The following CARHSP1 variants were observed in gnomAD, a reference collection of about 807,000 sequenced individuals.
The protein encoded by CARHSP1 is calcium-regulated heat-stable protein 1.
CARHSP1 carries 14 observed loss-of-function variants against 12.5 expected under a neutral mutation model. That is an observed-to-expected ratio of 1.12 (90% confidence interval 0.74 to 1.75). The LOEUF is 1.75. CARHSP1 is among the 40% of genes most tolerant of loss of function. CARHSP1 has a pLI of 0.00. For missense variants in CARHSP1, 343 were observed against 201.6 expected, an observed-to-expected ratio of 1.70 and a Z score of -4.25; for synonymous variants, 161 against 82.0, an observed-to-expected ratio of 1.96 and a Z score of -5.20.
intron 3 of CARHSP1, chr16:8,857,722 C>T (rs140347645): frequency 0.017 from 2,551 of 149,518 alleles, 48 homozygotes; most frequent in South Asian, 0.036. Context: ...TCCGAGGAGC[C>T]GGGATTACAT....
intron 1 of CARHSP1, chr16:8,866,471 G>A: frequency 1.0e-6 from 1 of 985,422 alleles, no homozygotes; most frequent in Middle Eastern, 5.2e-4. Context: ...ACACTGAGCT[G>A]ACCCATCCCA....
intron 1 of CARHSP1, among the ~76,000 whole-genome samples, chr16:8,861,473 C>A (rs1278445173): frequency 1.3e-5 from 2 of 152,104 alleles, no homozygotes; most frequent in East Asian, 3.9e-4. Flanking sequence ...AAAAATCCCA[C>A]CGCACCCCCC....
At position 8,853,615 on chromosome 16, in the gene CARHSP1, C is replaced by T. The variant is rs1240716150; in HGVS notation, c.*1549G>A. 6.6e-6 allele frequency: 1 copy of T among 152,228 alleles called. No individual in the cohort carries two copies. The highest frequency in any genetic ancestry group is 1.5e-5 in the Non-Finnish European group (1 of 68,050). The allele number at this position is 152,228 out of a possible 1,614,324, so 9.4% of individuals were successfully genotyped here. A position where few individuals can be genotyped will look rare whatever the true frequency, so the allele number is the denominator to read the frequency against. On this transcript the variant is annotated 3_prime_UTR_variant, in exon 4 of 4. Coordinates refer to ENST00000311052, the MANE Select transcript of CARHSP1 (RefSeq NM_014316.4). Reference sequence around the variant, plus strand: ...CATCAAACTGGACGTTTACTGTCTGCCCAAAAGCCAGTTTCCAAAAGGTTT... The same window carrying T: ...CATCAAACTGGACGTTTACTGTCTGTCCAAAAGCCAGTTTCCAAAAGGTTT...
rs945267721 is a variant in CARHSP1 at position 8,853,811 on chromosome 16, C to A, written c.*1353G>T. The A allele has an allele frequency of 1.3e-5, 2 of 152,186 alleles. No individual in the cohort carries two copies. Among genetic ancestry groups the A allele is most frequent in the Non-Finnish European group, 2.9e-5 (2 of 68,042 alleles). The allele number at this position is 152,186 out of a possible 1,614,324, so 9.4% of individuals were successfully genotyped here. On this transcript the variant is annotated 3_prime_UTR_variant, in exon 4 of 4. Coordinates refer to ENST00000311052, the MANE Select transcript of CARHSP1 (RefSeq NM_014316.4). ...CCTACAAAAAAGTTTGCAGGCCGGG[C>A]GCGATGGCTCACACTTGTAATCCCA...
Position 8,855,118 on chromosome 16 carries a change from G to C in CARHSP1, c.*46C>G, listed in dbSNP as rs776464949. 2.1e-6 allele frequency: 3 copies of C among 1,408,656 alleles called. No homozygotes were observed. The highest frequency in any genetic ancestry group is 2.8e-6 in the Non-Finnish European group (3 of 1,062,190). 87.3% of individuals were successfully genotyped at this position (1,408,656 alleles called of 1,614,324 possible). A position where few individuals can be genotyped will look rare whatever the true frequency, so the allele number is the denominator to read the frequency against. ...CTCCAGTGTCTGCTGCCTCCTCCCT[G>C]CAAAGTCTCCCACAAGCACAGGACA... On this transcript the variant is annotated 3_prime_UTR_variant, in exon 4 of 4. Coordinates refer to ENST00000311052, the MANE Select transcript of CARHSP1 (RefSeq NM_014316.4).
intron 2 of CARHSP1, 62 bp downstream of exon 2, chr16:8,859,109 A>G: frequency 6.9e-7 from 1 of 1,447,098 alleles, no homozygotes; most frequent in Non-Finnish European, 9.3e-7. Context: ...AGACACAGTG[A>G]ATCTCTGGCC....
intron 1 of CARHSP1, among the ~76,000 whole-genome samples, chr16:8,863,726 C>G (rs1392371585): frequency 6.6e-6 from 1 of 151,032 alleles, no homozygotes; most frequent in African/African-American, 2.4e-5. Flanking sequence ...GGCCTCAGTG[C>G]GGGGGAGGGC....
intron 3 of CARHSP1, among the ~76,000 whole-genome samples, chr16:8,856,829 A>G (rs1332509248): frequency 6.6e-6 from 1 of 152,164 alleles, no homozygotes; most frequent in Non-Finnish European, 1.5e-5. Flanking sequence ...AAGGCTGCCC[A>G]GAGGATCAGA....
rs186120332 is a variant in CARHSP1 at position 8,856,318 on chromosome 16, C to T, written c.282-992G>A. 2.2e-3 allele frequency among the ~76,000 whole-genome samples: 337 copies of T among 152,282 alleles called. 2 individuals are homozygous for T. Among genetic ancestry groups the T allele is most frequent in the African/African-American group, 7.7e-3 (321 of 41,542 alleles). ...GCTAAATGCAAGGGCCAGCCAGCTC[C>T]CCTAGTAACTGGTTTGTTTTGATTG... On this transcript the variant is annotated intron_variant, in intron 3 of 3. Transcript: ENST00000311052.
Position 8,858,334 on chromosome 16 carries a change from C to G in CARHSP1, c.281+16G>C, listed in dbSNP as rs1305518100. 4 of 1,612,006 alleles carry G rather than the reference C, an allele frequency of 2.5e-6. No individual in the cohort carries two copies. The highest frequency in any genetic ancestry group is 3.4e-6 in the Non-Finnish European group (4 of 1,179,636). ...GCCCACCCCAGCCAGGCCACCCAGA[C>G]CTGCCGCTGACTCACTCAGAGATGT... On this transcript the variant is annotated intron_variant, in intron 3 of 3. Transcript: ENST00000311052.
rs917925754 is a variant in CARHSP1 at position 8,855,045 on chromosome 16, G to A, written c.*119C>T. On this transcript the variant is annotated 3_prime_UTR_variant, in exon 4 of 4. Coordinates refer to ENST00000311052, the MANE Select transcript of CARHSP1 (RefSeq NM_014316.4). Reference sequence around the variant, plus strand: ...ACCCCTTCCTCCAGGAGATACTTGAGAGGGACCATGCCCGGCTGAAGCCCC... The same window carrying A: ...ACCCCTTCCTCCAGGAGATACTTGAAAGGGACCATGCCCGGCTGAAGCCCC... 1.1e-5 allele frequency: 9 copies of A among 798,514 alleles called. No homozygotes were observed. The highest frequency in any genetic ancestry group is 1.1e-4 in the African/African-American group (6 of 56,424). 49.5% of individuals were successfully genotyped at this position (798,514 alleles called of 1,614,324 possible).
At chr16:8,861,985 C>T (rs2061368801) in intron 1 of CARHSP1, among the ~76,000 whole-genome samples, 1 of 81,102 alleles carries the variant, frequency 1.2e-5, no homozygotes, top group South Asian at 5.4e-4. Flanking sequence ...TCAAGCATAG[C>T]TGACTTTTTT....
At position 8,854,477 on chromosome 16, in the gene CARHSP1, G is replaced by C. The variant is rs2061034024; in HGVS notation, c.*687C>G. On this transcript the variant is annotated 3_prime_UTR_variant, in exon 4 of 4. Transcript: ENST00000311052. ...GCTCTAAGAGGGGTTCAGCCTCCCA[G>C]TACCAGCCTGCTGTGCCCAGGGGTG... 1 of 152,690 alleles carries C rather than the reference G, an allele frequency of 6.5e-6. No individual in the cohort carries two copies. Among genetic ancestry groups the C allele is most frequent in the African/African-American group, 2.4e-5 (1 of 41,448 alleles). 9.5% of individuals were successfully genotyped at this position (152,690 alleles called of 1,614,324 possible). A position where few individuals can be genotyped will look rare whatever the true frequency, so the allele number is the denominator to read the frequency against.
At chr16:8,857,072 A>C (rs1057290215) in intron 3 of CARHSP1, among the ~76,000 whole-genome samples, 2 of 152,110 alleles carry the variant, frequency 1.3e-5, no homozygotes, top group Non-Finnish European at 2.9e-5. Flanking sequence ...TCCCCAGGCC[A>C]AACAGGGCTC....
chr16:8,855,413 GCCACCAAAGCAGGCACCATCTGACCAA>G, intron 3 of CARHSP1, 87 bp from the exon 4 acceptor site: 1 of 1,240,868 alleles, frequency 8.1e-7, no homozygotes, highest in Non-Finnish European at 1.1e-6. Flanking sequence ...TGGTCACACA[GCCACCAAAGCAGGCACCATCTGACCAA>G]CCACCGGGAA....
intron 1 of CARHSP1, chr16:8,861,943 T>A (rs998221494): frequency 1.0e-4 from 29 of 283,710 alleles, no homozygotes; most frequent in Non-Finnish European, 1.5e-4. Flanking sequence ...CCTTGTTCTA[T>A]CCAAAGTCTC....
intron 1 of CARHSP1, chr16:8,860,557 G>T (rs2141108048): frequency 2.0e-6 from 2 of 983,462 alleles, no homozygotes; most frequent in South Asian, 4.7e-5. Context: ...TCCCATCTCT[G>T]GGCTCAGTTT....
rs140618450 is a variant in CARHSP1 at position 8,859,348 on chromosome 16, G to T, written c.-7-13C>A. On this transcript the variant is annotated splice_polypyrimidine_tract_variant and intron_variant, in intron 1 of 3. Transcript: ENST00000311052. ...TGACATGGCTGACCTGGAAAGAGAA[G>T]AGGCTGTCAGGGGCTCGTGCCTTGC... 2.5e-6 allele frequency: 4 copies of T among 1,595,604 alleles called. No individual in the cohort carries two copies. Among genetic ancestry groups the T allele is most frequent in the Non-Finnish European group, 3.4e-6 (4 of 1,177,410 alleles).
At chr16:8,862,909 AT>A (rs1283282596) in intron 1 of CARHSP1, among the ~76,000 whole-genome samples, 2 of 151,978 alleles carry the variant, frequency 1.3e-5, no homozygotes, top group African/African-American at 4.8e-5. Context: ...CAGACCCAAA[AT>A]GGGGGCCCCC....
Sources: allele counts gnomAD v4.1 joint callset (sites outside exome capture counted in the v4.1 genomes callset), GRCh38; gene constraint gnomAD v4.1.1; transcripts MANE v1.5; gene names NCBI Gene and HGNC (gene_info 2026-07-23, HGNC 2026-07-21).